The following TRHDE variants were observed in gnomAD, a reference collection of about 807,000 sequenced individuals.
TRHDE encodes the protein thyrotropin releasing hormone degrading enzyme.
Under a neutral mutation model 125.7 loss-of-function variants are expected in TRHDE, and 72 were observed. That is an observed-to-expected ratio of 0.57 (90% CI 0.47 to 0.70). TRHDE has a LOEUF of 0.70. Ranked by LOEUF, TRHDE falls within the 30% of genes least tolerant of loss-of-function variation. TRHDE has a pLI of 0.00. For synonymous variants in TRHDE, 509 were observed against 509.1 expected (o/e 1.00, Z 0.00); for missense variants, 1,110 against 1,327.1 (o/e 0.84, Z 2.54).
chr12:72,374,600 G>A (rs904235243), intron 2 of TRHDE, among the ~76,000 whole-genome samples: 6 of 152,066 alleles, frequency 3.9e-5, no homozygotes, highest in Non-Finnish European at 7.4e-5. Context: ...AGGAGGAATC[G>A]GGCAGGAGAC....
At chr12:72,578,998 T>TTTTTTTTTTTTTTAA (rs1871125095) in intron 12 of TRHDE, among the ~76,000 whole-genome samples, 1 of 150,586 alleles carries the variant, frequency 6.6e-6, no homozygotes, top group African/African-American at 2.4e-5. Context: ...TTTTTTTTTT[T>TTTTTTTTTTTTTTAA]ATGAACAGAA....
At chr12:72,330,932 T>G (rs762124218) in intron 2 of TRHDE, among the ~76,000 whole-genome samples, 28 of 152,040 alleles carry the variant, frequency 1.8e-4, no homozygotes, top group Non-Finnish European at 3.4e-4. Context: ...ATTCAAGAGG[T>G]CTGGGGTGGA....
chr12:72,243,453 T>G (rs1252995751), intron 2 of TRHDE, among the ~76,000 whole-genome samples: 1 of 152,212 alleles, frequency 6.6e-6, no homozygotes, highest in African/African-American at 2.4e-5. Context: ...GTGCAAAATA[T>G]ATACCAGATG....
chr12:72,485,925 T>A (rs1877385922), intron 5 of TRHDE, among the ~76,000 whole-genome samples: 1 of 152,164 alleles, frequency 6.6e-6, no homozygotes, highest in Non-Finnish European at 1.5e-5. Context: ...TCTTGCTATT[T>A]CTGAGTACTT....
chr12:72,536,095 A>G (rs1208250277), intron 6 of TRHDE, among the ~76,000 whole-genome samples: 1 of 152,104 alleles, frequency 6.6e-6, no homozygotes, highest in Non-Finnish European at 1.5e-5. Flanking sequence ...GCAAACCATT[A>G]AGCTAAGACA....
chr12:72,149,346 A>C (rs917093953), intron 2 of TRHDE, among the ~76,000 whole-genome samples: 1 of 152,208 alleles, frequency 6.6e-6, no homozygotes, highest in East Asian at 1.9e-4. Context: ...ATTTATTGTT[A>C]TGAAATGTTC....
intron 5 of TRHDE, among the ~76,000 whole-genome samples, chr12:72,489,735 C>T (rs775680067): frequency 2.0e-5 from 3 of 151,538 alleles, no homozygotes; most frequent in East Asian, 3.9e-4. Context: ...CAAGAAGACA[C>T]GATGAGAAAA....
intron 12 of TRHDE, among the ~76,000 whole-genome samples, chr12:72,611,801 A>G (rs914785597): frequency 2.6e-5 from 4 of 152,150 alleles, no homozygotes; most frequent in African/African-American, 9.7e-5. Flanking sequence ...AGGAGAGAAA[A>G]TTTACCTCTT....
intron 2 of TRHDE, among the ~76,000 whole-genome samples, chr12:72,371,432 G>A (rs1421970264): frequency 6.6e-6 from 1 of 151,268 alleles, no homozygotes; most frequent in Non-Finnish European, 1.5e-5. Context: ...GGGTACATGT[G>A]CACAATGTGC....
At chr12:72,154,857 T>G (rs1876464996) in intron 2 of TRHDE, among the ~76,000 whole-genome samples, 1 of 152,232 alleles carries the variant, frequency 6.6e-6, no homozygotes, top group African/African-American at 2.4e-5. Flanking sequence ...TTGGTGAATC[T>G]GACAATTATG....
At chr12:72,302,456 AGG>A (rs1380209245) in intron 2 of TRHDE, among the ~76,000 whole-genome samples, 1 of 152,130 alleles carries the variant, frequency 6.6e-6, no homozygotes, top group African/African-American at 2.4e-5. Context: ...ACTATGTTTC[AGG>A]TACTATTCTA....
intron 6 of TRHDE, among the ~76,000 whole-genome samples, chr12:72,512,110 G>T (rs1017225139): frequency 6.6e-6 from 1 of 151,822 alleles, no homozygotes; most frequent in Non-Finnish European, 1.5e-5. Context: ...GCTTTCTTAC[G>T]CTGGCTTTGT....
intron 3 of TRHDE, among the ~76,000 whole-genome samples, chr12:72,413,736 G>T (rs1012186464): frequency 6.6e-6 from 1 of 151,958 alleles, no homozygotes; most frequent in Non-Finnish European, 1.5e-5. Flanking sequence ...TATAAGAAAA[G>T]TTCATGAGCA....
chr12:72,298,871 G>C (rs1280232522), intron 2 of TRHDE, among the ~76,000 whole-genome samples: 1 of 152,080 alleles, frequency 6.6e-6, no homozygotes, highest in Non-Finnish European at 1.5e-5. Context: ...GCTGCCATTT[G>C]GGTCTAGCTC....
intron 6 of TRHDE, among the ~76,000 whole-genome samples, chr12:72,519,827 G>A (rs1199992827): frequency 6.6e-6 from 1 of 152,104 alleles, no homozygotes; most frequent in African/African-American, 2.4e-5. Flanking sequence ...TTTTTGGTGT[G>A]GATGTCCTTT....
At chr12:72,370,658 T>A (rs1169114845) in intron 2 of TRHDE, among the ~76,000 whole-genome samples, 1 of 152,172 alleles carries the variant, frequency 6.6e-6, no homozygotes, top group African/African-American at 2.4e-5. Flanking sequence ...GGTTGTGATT[T>A]TTCTGAAATG....
intron 6 of TRHDE, among the ~76,000 whole-genome samples, chr12:72,511,327 A>G (rs1592500314): frequency 6.6e-6 from 1 of 152,204 alleles, no homozygotes; most frequent in Non-Finnish European, 1.5e-5. Flanking sequence ...TTTTGTTATA[A>G]ATATAGAAGT....
chr12:72,545,346 C>T lies in TRHDE; in HGVS notation c.1788+2990C>T, dbSNP rs111990612. ...TCTCATTTCTATCTCCAGTTAATAGCGGTTTTCTGCAAGTCACTAGACCTC... is the reference window on the plus strand; with the variant it reads ...TCTCATTTCTATCTCCAGTTAATAGTGGTTTTCTGCAAGTCACTAGACCTC... On this transcript the variant is annotated intron_variant, in intron 7 of 18. Coordinates refer to ENST00000261180, the MANE Select transcript of TRHDE (RefSeq NM_013381.3). Among the ~76,000 whole-genome samples, 654 of 151,476 alleles carry T rather than the reference C, an allele frequency of 4.3e-3. 2 individuals carry two copies. The highest frequency in any genetic ancestry group is 0.014 in the African/African-American group (600 of 41,434).
chr12:72,102,146 C>G (rs1875082856), intron 1 of TRHDE, among the ~76,000 whole-genome samples: 1 of 151,998 alleles, frequency 6.6e-6, no homozygotes, highest in Non-Finnish European at 1.5e-5. Context: ...TTTTCATAGC[C>G]CTCAGATATA....
Sources: allele counts gnomAD v4.1 joint callset (sites outside exome capture counted in the v4.1 genomes callset), GRCh38; gene constraint gnomAD v4.1.1; transcripts MANE v1.5; gene names NCBI Gene and HGNC (gene_info 2026-07-23, HGNC 2026-07-21).